KCTD9: variants seen among roughly 807,000 people sequenced by gnomAD.
KCTD9 encodes the protein potassium channel tetramerization domain containing 9, also known as BTB/POZ domain-containing protein KCTD9.
Under a neutral mutation model 53.3 loss-of-function variants are expected in KCTD9, and 17 were observed. The observed-to-expected ratio is 0.32, with a 90% CI of 0.22 to 0.48. The LOEUF is 0.48. Among genes scored for constraint, KCTD9 ranks in the 20% least tolerant of loss-of-function variants. The pLI, the probability that KCTD9 is intolerant of heterozygous loss-of-function variation, is 0.99. For missense variants in KCTD9, 179 were observed against 465.5 expected, an observed-to-expected ratio of 0.38 and a Z score of 5.66; for synonymous variants, 128 against 162.7, an observed-to-expected ratio of 0.79 and a Z score of 1.62.
At chr8:25,435,880 G>T (rs755484751) in intron 8 of KCTD9, among the ~76,000 whole-genome samples, 2 of 152,082 alleles carry the variant, frequency 1.3e-5, no homozygotes, top group Admixed American at 6.5e-5. Flanking sequence ...GCAAAAATGA[G>T]TACTGTGGTC....
rs575718664 is a variant in KCTD9 at position 25,443,750 on chromosome 8, A to C, written c.214+542T>G. 3.9e-5 allele frequency among the ~76,000 whole-genome samples: 6 copies of C among 152,312 alleles called. No individual in the cohort carries two copies. The South Asian group carries it at 6.2e-4, about 16-fold the overall frequency. The stretch of plus-strand genomic sequence containing the variant: ...TTCAGAGTGTGGACTGTATGGATCT[A>C]AATAAATCAAATACTTTATCTTCCT... On this transcript the variant is annotated intron_variant, in intron 3 of 11. Transcript: ENST00000221200.
At chr8:25,440,764 C>T in intron 3 of KCTD9, 91 bp from the exon 4 acceptor site, 1 of 854,356 alleles carries the variant, frequency 1.2e-6, no homozygotes, top group Non-Finnish European at 2.0e-6. Flanking sequence ...TGAATACACA[C>T]ATAATAAAAG....
intron 2 of KCTD9, among the ~76,000 whole-genome samples, chr8:25,444,600 T>G (rs1488436370): frequency 6.6e-6 from 1 of 152,192 alleles, no homozygotes; most frequent in African/African-American, 2.4e-5. Flanking sequence ...GATGTTGAGT[T>G]CAGCTTTCTT....
intron 4 of KCTD9, among the ~76,000 whole-genome samples, chr8:25,440,291 C>T (rs376430652): frequency 1.4e-3 from 206 of 152,030 alleles, no homozygotes; most frequent in East Asian, 0.012. Context: ...ATCTCCTGAC[C>T]TCGTGATCCG....
At chr8:25,446,371 GTTC>G in intron 1 of KCTD9, 121 bp from the exon 2 acceptor site, 3 of 1,105,218 alleles carry the variant, frequency 2.7e-6, no homozygotes, top group South Asian at 1.8e-5. Flanking sequence ...ACTTCAAAAG[GTTC>G]TTAACAGTGC....
At chr8:25,450,506 C>T (rs1216041015) in intron 1 of KCTD9, 3 of 951,600 alleles carry the variant, frequency 3.2e-6, no homozygotes, top group Non-Finnish European at 3.8e-6. Flanking sequence ...AAAAAATACA[C>T]AGTATAAATG....
At chr8:25,443,369 C>T (rs1049910767) in intron 3 of KCTD9, among the ~76,000 whole-genome samples, 19 of 151,974 alleles carry the variant, frequency 1.3e-4, no homozygotes, top group Non-Finnish European at 2.5e-4. Flanking sequence ...TAAAAAGACC[C>T]GAAGAGATTT....
intron 1 of KCTD9, among the ~76,000 whole-genome samples, chr8:25,453,925 GTTC>G (rs1489604357): frequency 6.6e-6 from 1 of 152,136 alleles, no homozygotes; most frequent in Non-Finnish European, 1.5e-5. Flanking sequence ...CCCTCACTAG[GTTC>G]TTATTAATGT....
chr8:25,430,441 A>G (rs374526898), intron 11 of KCTD9, among the ~76,000 whole-genome samples: 53 of 152,202 alleles, frequency 3.5e-4, no homozygotes, highest in African/African-American at 1.3e-3. Context: ...TTCGCACAGG[A>G]GCGTGAACCC....
intron 9 of KCTD9, among the ~76,000 whole-genome samples, chr8:25,435,101 G>A (rs1801994317): frequency 6.6e-6 from 1 of 152,156 alleles, no homozygotes; most frequent in African/African-American, 2.4e-5. Flanking sequence ...AGTATATTGA[G>A]GAGATCAAGA....
At chr8:25,446,505 G>A (rs140177249) in intron 1 of KCTD9, among the ~76,000 whole-genome samples, 26 of 152,048 alleles carry the variant, frequency 1.7e-4, no homozygotes, top group African/African-American at 5.3e-4. Context: ...GTTAAATAGC[G>A]CTCCAGTTGT....
chr8:25,434,605 T>C (rs559441041), intron 9 of KCTD9, among the ~76,000 whole-genome samples: 133 of 152,280 alleles, frequency 8.7e-4, no homozygotes, highest in African/African-American at 3.2e-3. Flanking sequence ...GTAACTAAAA[T>C]GCATATTTGG....
At position 25,428,910 on chromosome 8, in the gene KCTD9, A is replaced by C. The variant is rs1039731592; in HGVS notation, c.*947T>G. 20 of 152,182 alleles carry C rather than the reference A, an allele frequency of 1.3e-4. No individual in the cohort carries two copies. The highest frequency in any genetic ancestry group is 5.9e-5 in the Non-Finnish European group (4 of 68,022). 9.4% of individuals were successfully genotyped at this position (152,182 alleles called of 1,614,324 possible). A position where few individuals can be genotyped will look rare whatever the true frequency, so the allele number is the denominator to read the frequency against. On this transcript the variant is annotated 3_prime_UTR_variant, in exon 12 of 12. Transcript: ENST00000221200. ...TGCAGTAGCTCTGGATTTAGTATCT[A>C]TTTCTAAGCTGGCCCTATGTAAACT...
intron 11 of KCTD9, 41 bp downstream of exon 11, chr8:25,432,463 G>C (rs1318934564): frequency 2.5e-5 from 40 of 1,577,288 alleles, no homozygotes; most frequent in Non-Finnish European, 3.4e-5. Flanking sequence ...TGCTTAGTAA[G>C]TCTAGAGTAA....
intron 9 of KCTD9, among the ~76,000 whole-genome samples, chr8:25,434,095 T>A (rs189004431): frequency 5.9e-5 from 9 of 152,294 alleles, no homozygotes; most frequent in African/African-American, 2.2e-4. Context: ...TTTAAGACTT[T>A]ATTTTTTTGT....
chr8:25,446,086 G>A, intron 2 of KCTD9, 43 bp downstream of exon 2: 4 of 1,602,682 alleles, frequency 2.5e-6, no homozygotes, highest in Non-Finnish European at 3.4e-6. Context: ...GCACCAAGAA[G>A]TTGAGGCACA....
chr8:25,439,505 A>C, intron 5 of KCTD9, 98 bp from the exon 6 acceptor site: 1 of 1,559,010 alleles, frequency 6.4e-7, no homozygotes, highest in South Asian at 1.2e-5. Context: ...TTTACTCTTA[A>C]AAACTGACAT....
At chr8:25,435,225 A>G in intron 9 of KCTD9, 138 bp downstream of exon 9, 1 of 554,036 alleles carries the variant, frequency 1.8e-6, no homozygotes, top group Non-Finnish European at 3.0e-6. Context: ...CTTTAGTCTT[A>G]TATCAACATA....
intron 1 of KCTD9, among the ~76,000 whole-genome samples, chr8:25,454,097 G>A (rs1802384175): frequency 6.6e-6 from 1 of 152,078 alleles, no homozygotes; most frequent in Non-Finnish European, 1.5e-5. Context: ...ATGTTGCCCA[G>A]GCTGGTCTTG....
Sources: allele counts gnomAD v4.1 joint callset (sites outside exome capture counted in the v4.1 genomes callset), GRCh38; gene constraint gnomAD v4.1.1; transcripts MANE v1.5; gene names NCBI Gene and HGNC (gene_info 2026-07-23, HGNC 2026-07-21).